ARHGAP18: variants seen among roughly 807,000 people sequenced by gnomAD.
ARHGAP18 encodes the protein Rho GTPase activating protein 18, also known as rho GTPase-activating protein 18.
In ARHGAP18, 67 loss-of-function variants were observed where a neutral mutation model predicts 86.2. The observed-to-expected ratio is 0.78, with a 90% confidence interval of 0.64 to 0.95. The LOEUF (loss-of-function observed/expected upper bound fraction) is 0.95, where lower values mean the gene tolerates loss of function less well. Among genes scored for constraint, ARHGAP18 ranks in the 40% least tolerant of loss-of-function variants. The probability of loss-of-function intolerance (pLI) is 0.00; values close to 1 mark genes in which losing one functional copy is unlikely to be tolerated. For synonymous variants in ARHGAP18, 283 were observed against 280.4 expected (o/e 1.01, Z -0.09); for missense variants, 691 against 780.4 (o/e 0.89, Z 1.37).
chr6:129,625,893 A>AT lies in ARHGAP18; in HGVS notation c.786+3459dup, dbSNP rs1194122972. ...TATATTATATATTTATATATTATAT[A>AT]TTATATATTTATATATTATATATTA... On this transcript the variant is annotated intron_variant, in intron 5 of 14. Coordinates refer to ENST00000368149, the MANE Select transcript of ARHGAP18 (RefSeq NM_033515.3). Among the ~76,000 whole-genome samples the AT allele has an allele frequency of 9.2e-5, 8 of 86,550 alleles. 1 individual carries two copies. Among genetic ancestry groups the AT allele is most frequent in the African/African-American group, 2.6e-4 (6 of 23,124 alleles). The allele number at this position is 86,550 out of a possible 152,430, so 56.8% of individuals were successfully genotyped here.
Position 129,600,791 on chromosome 6 carries a change from C to G in ARHGAP18, c.1423G>C (p.Val475Leu). 6.2e-7 allele frequency: 1 copy of G among 1,613,524 alleles called. No individual in the cohort carries two copies. Among genetic ancestry groups the G allele is most frequent in the South Asian group, 1.1e-5 (1 of 91,026 alleles). Residue 475 changes from valine to leucine, a missense_variant, in exon 11 of 15, where the codon GTC becomes CTC. Transcript: ENST00000368149. ...GCCATGACCATTGCTACATTCATGACTGTCATTTTATTTTTTTCTTTATTA... is the reference window on the plus strand; with the variant it reads ...GCCATGACCATTGCTACATTCATGAGTGTCATTTTATTTTTTTCTTTATTA... Reference protein sequence around the residue: ...IDNKEKNKMTVMNVAMVMAPN... With the variant: ...IDNKEKNKMTLMNVAMVMAPN...
chr6:129,695,170 A>G (rs963999787), intron 1 of ARHGAP18, among the ~76,000 whole-genome samples: 1 of 152,230 alleles, frequency 6.6e-6, no homozygotes, highest in Admixed American at 6.5e-5. Context: ...AATTTGGAAT[A>G]TGCTACTTGC....
At chr6:129,634,921 A>T (rs1045391358) in intron 3 of ARHGAP18, among the ~76,000 whole-genome samples, 9 of 152,118 alleles carry the variant, frequency 5.9e-5, no homozygotes, top group African/African-American at 1.9e-4. Context: ...AATGTGAGAT[A>T]AGTAACTAAA....
chr6:129,665,171 C>A (rs1774014626), intron 1 of ARHGAP18, among the ~76,000 whole-genome samples: 1 of 152,270 alleles, frequency 6.6e-6, no homozygotes, highest in Admixed American at 6.5e-5. Flanking sequence ...GCCCCAAACA[C>A]AATACAGCAA....
rs765038402 is a variant in ARHGAP18, at chr6:129,611,414, T to C, written c.1122+119A>G. The C allele has an allele frequency of 2.7e-4, 214 of 795,214 alleles. 1 individual carries two copies. The highest frequency in any genetic ancestry group is 4.0e-4 in the Non-Finnish European group (202 of 507,742). 49.3% of individuals were successfully genotyped at this position (795,214 alleles called of 1,614,324 possible). A position where few individuals can be genotyped will look rare whatever the true frequency, so the allele number is the denominator to read the frequency against. ...ACTGAATGGTAAAAGGTTTTATTGT[T>C]TTATTTTATCTACTTTACTAACAAT... On this transcript the variant is annotated intron_variant, in intron 8 of 14. Transcript: ENST00000368149.
intron 1 of ARHGAP18, among the ~76,000 whole-genome samples, chr6:129,707,632 G>A (rs1309817489): frequency 7.0e-6 from 1 of 142,814 alleles, no homozygotes; most frequent in African/African-American, 2.6e-5. Context: ...ACCATTTCTA[G>A]TTTGTTTGTG....
chr6:129,596,748 C>A (rs1441241231), intron 12 of ARHGAP18: 1 of 152,106 alleles, frequency 6.6e-6, no homozygotes, highest in East Asian at 1.9e-4. Flanking sequence ...AGTCAAGAAA[C>A]TACAGCAACC....
chr6:129,661,512 G>GAAAAA (rs57799426), intron 1 of ARHGAP18, among the ~76,000 whole-genome samples: 23 of 136,410 alleles, frequency 1.7e-4, no homozygotes, highest in South Asian at 4.8e-4. Context: ...CTCTTTAAAT[G>GAAAAA]AAAAAAAAAA....
At chr6:129,697,530 G>A (rs1173783300) in intron 1 of ARHGAP18, among the ~76,000 whole-genome samples, 8 of 151,606 alleles carry the variant, frequency 5.3e-5, no homozygotes, top group Admixed American at 4.6e-4. Flanking sequence ...GCAATTTCTA[G>A]TCATCCACTT....
intron 9 of ARHGAP18, 100 bp from the exon 10 acceptor site, chr6:129,606,059 A>C: frequency 9.0e-7 from 1 of 1,107,196 alleles, no homozygotes; most frequent in East Asian, 2.6e-5. Context: ...TGGCATAAAC[A>C]TGACTGTAAA....
intron 1 of ARHGAP18, among the ~76,000 whole-genome samples, chr6:129,693,663 A>G (rs1202949915): frequency 6.6e-6 from 1 of 152,196 alleles, no homozygotes; most frequent in Non-Finnish European, 1.5e-5. Flanking sequence ...GAGAAAAACA[A>G]TAACTGCACT....
intron 12 of ARHGAP18, among the ~76,000 whole-genome samples, chr6:129,593,883 C>G (rs1326918505): frequency 2.0e-5 from 3 of 152,202 alleles, no homozygotes; most frequent in Non-Finnish European, 4.4e-5. Context: ...TTGAGTACAT[C>G]TTAAAACCTG....
chr6:129,707,168 G>A (rs1366466224), intron 1 of ARHGAP18, among the ~76,000 whole-genome samples: 1 of 151,968 alleles, frequency 6.6e-6, no homozygotes, highest in Non-Finnish European at 1.5e-5. Context: ...GGGAGGCAGA[G>A]GTTGTGGTGA....
chr6:129,598,996 T>C (rs1400558534), intron 12 of ARHGAP18: 1 of 344,562 alleles, frequency 2.9e-6, no homozygotes, highest in Non-Finnish European at 5.2e-6. Flanking sequence ...TTGTTCCCCA[T>C]TAACAACTCA....
intron 5 of ARHGAP18, among the ~76,000 whole-genome samples, chr6:129,623,771 T>C (rs1423963846): frequency 6.6e-6 from 1 of 152,196 alleles, no homozygotes; most frequent in Non-Finnish European, 1.5e-5. Flanking sequence ...TAGATGAGTA[T>C]ATGCATATTT....
chr6:129,663,059 G>C (rs948533388), intron 1 of ARHGAP18, among the ~76,000 whole-genome samples: 3 of 152,148 alleles, frequency 2.0e-5, no homozygotes, highest in Admixed American at 6.5e-5. Flanking sequence ...AGGAAACTGA[G>C]GCTTAGAGAA....
In ARHGAP18 at chr6:129,642,003, C is replaced by A. The variant is rs754877067; in HGVS notation, c.129G>T (p.Gln43His). The A allele has an allele frequency of 2.5e-6, 4 of 1,613,622 alleles. No individual in the cohort carries two copies. The highest frequency in any genetic ancestry group is 1.7e-5 in the Admixed American group (1 of 59,956). The change falls in exon 2 of 15, where the codon CAG becomes CAT. Residue 43 changes from glutamine to histidine, a missense_variant. By Grantham distance (24) the Gln-to-His change is conservative. Coordinates refer to ENST00000368149, the MANE Select transcript of ARHGAP18 (RefSeq NM_033515.3). ...TGGTGCTTTCCTGGTTCATAGTGTA[C>A]TGGCCATATCTGCGACTGTAAATTC... Reference protein sequence around the residue: ...EEATSSRRYGQYTMNQESTTI... With the variant: ...EEATSSRRYGHYTMNQESTTI...
At chr6:129,623,801 C>T (rs1361117414) in intron 5 of ARHGAP18, among the ~76,000 whole-genome samples, 6 of 152,124 alleles carry the variant, frequency 3.9e-5, no homozygotes, top group African/African-American at 1.4e-4. Flanking sequence ...AATACATGGA[C>T]AGATTAACAA....
At chr6:129,599,058 A>T in intron 12 of ARHGAP18, 158 bp downstream of exon 12, 1 of 560,796 alleles carries the variant, frequency 1.8e-6, no homozygotes, top group South Asian at 3.1e-5. Flanking sequence ...CATTAGCAGC[A>T]GTAGTAGGAA....
Sources: allele counts gnomAD v4.1 joint callset (sites outside exome capture counted in the v4.1 genomes callset), GRCh38; gene constraint gnomAD v4.1.1; transcripts MANE v1.5; gene names NCBI Gene and HGNC (gene_info 2026-07-23, HGNC 2026-07-21).